SMG7: variants seen among roughly 807,000 people sequenced by gnomAD.
The protein encoded by SMG7 is SMG7 nonsense mediated mRNA decay factor, also known as nonsense-mediated mRNA decay factor SMG7.
A neutral mutation model predicts 148.2 loss-of-function variants in SMG7; 34 were observed. The ratio of observed to expected loss-of-function variants is 0.23; its 90% confidence interval spans 0.17 to 0.31. SMG7 has a LOEUF of 0.31. Ranked by LOEUF, SMG7 falls within the 10% of genes least tolerant of loss-of-function variation. The pLI is 1.00. For missense variants in SMG7, 1,114 were observed against 1,408.4 expected, an observed-to-expected ratio of 0.79 and a Z score of 3.35; for synonymous variants, 492 against 515.1, an observed-to-expected ratio of 0.96 and a Z score of 0.61.
Position 183,544,919 on chromosome 1 carries a change from C to T in SMG7, c.1988-11C>T. 3.7e-6 allele frequency: 6 copies of T among 1,603,552 alleles called. No homozygotes were observed. Among genetic ancestry groups the T allele is most frequent in the Non-Finnish European group, 5.1e-6 (6 of 1,173,280 alleles). On this transcript the variant is annotated splice_polypyrimidine_tract_variant and intron_variant, in intron 15 of 22. Transcript: ENST00000688051. ...TCCTTAAAACTAAAGCTGTGTTCTTCTGTTTTGAAGGGTTTCCGCCCCCAA... is the reference window on the plus strand; with the variant it reads ...TCCTTAAAACTAAAGCTGTGTTCTTTTGTTTTGAAGGGTTTCCGCCCCCAA...
At chr1:183,548,803 T>G (rs1670431198) in intron 18 of SMG7, 1 of 171,926 alleles carries the variant, frequency 5.8e-6, no homozygotes, top group Admixed American at 5.7e-5. Context: ...AAAGGCTTTT[T>G]AAAAGTCACC....
intron 2 of SMG7, among the ~76,000 whole-genome samples, chr1:183,513,650 G>A (rs143885630): frequency 0.16 from 24,420 of 151,966 alleles, 2,269 homozygotes; most frequent in African/African-American, 0.27. Context: ...GATTATAGGC[G>A]TGAGCCACTG....
At chr1:183,503,756 G>C (rs1327301593) in intron 1 of SMG7, among the ~76,000 whole-genome samples, 1 of 152,120 alleles carries the variant, frequency 6.6e-6, no homozygotes, top group Non-Finnish European at 1.5e-5. Context: ...TGATCATTTA[G>C]GTTCTTTTAT....
At position 183,472,557 on chromosome 1, in the gene SMG7, C is replaced by T. The variant is rs1650902800; in HGVS notation, c.-64C>T. On this transcript the variant is annotated 5_prime_UTR_variant, in exon 1 of 23. Coordinates refer to ENST00000688051, the MANE Select transcript of SMG7 (RefSeq NM_001375584.1). ...GCCAGCACCCGCGGTGCCGCGGGGC[C>T]GCTCCGAGGAGCCTGAGAGACCCAC... The T allele has an allele frequency of 5.9e-6, 8 of 1,353,648 alleles. No homozygotes were observed. Among genetic ancestry groups the T allele is most frequent in the Admixed American group, 3.2e-5 (1 of 30,878 alleles). 83.9% of individuals were successfully genotyped at this position (1,353,648 alleles called of 1,614,324 possible).
At chr1:183,481,730 A>G (rs1440361953) in intron 1 of SMG7, among the ~76,000 whole-genome samples, 2 of 152,200 alleles carry the variant, frequency 1.3e-5, no homozygotes, top group African/African-American at 2.4e-5. Context: ...AATGTTTTCA[A>G]GGAATTCCAT....
At chr1:183,534,246 A>G (rs1385300240) in intron 10 of SMG7, among the ~76,000 whole-genome samples, 1 of 152,158 alleles carries the variant, frequency 6.6e-6, no homozygotes, top group Non-Finnish European at 1.5e-5. Flanking sequence ...GTAACACTCA[A>G]TTTGAATAAT....
Position 183,545,024 on chromosome 1 carries a change from C to A in SMG7, c.2082C>A (p.Thr694=), listed in dbSNP as rs774073417. ...CAGCTGGTGTTTCTGTCCCAGGAACCTTTCTTCAGCCTACAGCTCACTCTC... is the reference window on the plus strand; with the variant it reads ...CAGCTGGTGTTTCTGTCCCAGGAACATTTCTTCAGCCTACAGCTCACTCTC... ...TFPAGVSVPG[T]FLQPTAHSPA... is the part of the protein sequence containing the mutation. Residue 694 remains threonine, a synonymous_variant, in exon 16 of 23, where the codon ACC becomes ACA. Transcript: ENST00000688051. The A allele has an allele frequency of 1.9e-6, 3 of 1,613,908 alleles. No homozygotes were observed. In the South Asian group the frequency reaches 3.3e-5, roughly 18 times the overall value.
At chr1:183,487,576 C>T (rs1328313639) in intron 1 of SMG7, among the ~76,000 whole-genome samples, 1 of 152,192 alleles carries the variant, frequency 6.6e-6, no homozygotes, top group Admixed American at 6.5e-5. Context: ...TAGAACTCAG[C>T]CTGTGAAGAC....
At chr1:183,542,589 T>C in intron 14 of SMG7, 87 bp downstream of exon 14, 1 of 1,129,194 alleles carries the variant, frequency 8.9e-7, no homozygotes, top group Admixed American at 2.4e-5. Context: ...CCATGAGAAT[T>C]GGCCGTCCTG....
intron 8 of SMG7, among the ~76,000 whole-genome samples, chr1:183,531,405 C>CAGA (rs1666828124): frequency 6.6e-6 from 1 of 152,060 alleles, no homozygotes; most frequent in African/African-American, 2.4e-5. Flanking sequence ...TAGCAAAAAT[C>CAGA]TTATCAGTTC....
intron 1 of SMG7, among the ~76,000 whole-genome samples, chr1:183,477,551 CGT>C (rs1553230632): frequency 2.0e-5 from 1 of 50,526 alleles, no homozygotes; most frequent in African/African-American, 6.1e-5. Context: ...TGCATATATA[CGT>C]GTGTGCATAT....
At chr1:183,548,952 C>T in intron 18 of SMG7, 1 of 495,872 alleles carries the variant, frequency 2.0e-6, no homozygotes, top group South Asian at 2.6e-5. Context: ...GTGCTGTTTA[C>T]CAGGGTCTCT....
At chr1:183,528,602 GAGT>G (rs527329198) in intron 6 of SMG7, among the ~76,000 whole-genome samples, 215 of 152,232 alleles carry the variant, frequency 1.4e-3, no homozygotes, top group Non-Finnish European at 2.4e-3. Context: ...TGGCAGAGTT[GAGT>G]GGTTGTGATA....
At chr1:183,499,846 T>C (rs1659358894) in intron 1 of SMG7, among the ~76,000 whole-genome samples, 2 of 152,356 alleles carry the variant, frequency 1.3e-5, no homozygotes, top group South Asian at 4.1e-4. Context: ...GCTTTCATTT[T>C]GGTATCCTTC....
intron 1 of SMG7, among the ~76,000 whole-genome samples, chr1:183,491,411 G>C (rs1010134681): frequency 6.6e-6 from 1 of 152,158 alleles, no homozygotes; most frequent in South Asian, 2.1e-4. Context: ...AGAACATTCT[G>C]TCTAAGTCTT....
At chr1:183,528,240 TTTA>T (rs1666243789) in intron 6 of SMG7, among the ~76,000 whole-genome samples, 1 of 152,166 alleles carries the variant, frequency 6.6e-6, no homozygotes, top group African/African-American at 2.4e-5. Flanking sequence ...TATTTTATTA[TTTA>T]TTATTGTCAG....
intron 22 of SMG7, 34 bp from the exon 23 acceptor site, chr1:183,551,784 G>T: frequency 1.3e-6 from 2 of 1,522,990 alleles, no homozygotes; most frequent in South Asian, 2.5e-5. Context: ...CTTGGCATTT[G>T]ACCTCTGCTG....
At position 183,552,763 on chromosome 1, in the gene SMG7, C is replaced by G; in HGVS notation, c.*832C>G. 3 of 1,389,724 alleles carry G rather than the reference C, an allele frequency of 2.2e-6. No homozygotes were observed. Among genetic ancestry groups the G allele is most frequent in the Non-Finnish European group, 2.8e-6 (3 of 1,073,968 alleles). 86.1% of individuals were successfully genotyped at this position (1,389,724 alleles called of 1,614,324 possible). A position where few individuals can be genotyped will look rare whatever the true frequency, so the allele number is the denominator to read the frequency against. ...TCCTGTACATTTTACAGTCGCACAGCAAGCAGTCTCACAGAAGGCAGGCTA... is the reference window on the plus strand; with the variant it reads ...TCCTGTACATTTTACAGTCGCACAGGAAGCAGTCTCACAGAAGGCAGGCTA... On this transcript the variant is annotated 3_prime_UTR_variant, in exon 23 of 23. Transcript: ENST00000688051.
chr1:183,525,599 T>C (rs1665682028), intron 4 of SMG7, among the ~76,000 whole-genome samples: 1 of 152,040 alleles, frequency 6.6e-6, no homozygotes, highest in Non-Finnish European at 1.5e-5. Flanking sequence ...GGAGACGTGG[T>C]GTGTAGGCCA....
Sources: gnomAD v4.1 joint callset for allele counts (sites outside exome capture counted in the v4.1 genomes callset) on GRCh38, gnomAD v4.1.1 for gene constraint, MANE v1.5 for transcripts, NCBI Gene and HGNC (gene_info 2026-07-23, HGNC 2026-07-21) for gene names.